NLRP12: variants seen among roughly 807,000 people sequenced by gnomAD.
The protein encoded by NLRP12 is NLR family pyrin domain containing 12, also known as NACHT, LRR and PYD domains-containing protein 12.
A neutral mutation model predicts 91.2 loss-of-function variants in NLRP12; 108 were observed. That is an observed-to-expected ratio of 1.18 (90% CI 1.01 to 1.39). NLRP12 has a LOEUF of 1.39. Ranked by LOEUF, NLRP12 falls within the 40% of genes most tolerant of loss-of-function variation. The pLI, the probability that NLRP12 is intolerant of heterozygous loss-of-function variation, is 0.00. For missense variants in NLRP12, 1,530 were observed against 1,352.7 expected (o/e 1.13, Z -2.06); for synonymous variants, 613 against 566.7 (o/e 1.08, Z -1.16).
rs750682997 is a variant in NLRP12, at chr19:53,807,623, C to G, written c.2115G>C (p.Leu705=). ...TTGGATTGGTGCACAGGGCCGCTGC[C>G]AGATGTTCACTGTAGGCGTCCAGCA... is the stretch of plus-strand genomic sequence containing the variant. ...TVLLDAYSEH[L]AAALCTNPNL... is the part of the protein sequence containing the mutation. The change falls in exon 4 of 10, where the codon CTG becomes CTC. Residue 705 remains leucine (L), a synonymous_variant. Transcript: ENST00000324134. 6.2e-7 allele frequency: 1 copy of G among 1,614,030 alleles called. No homozygotes were observed. Among genetic ancestry groups the G allele is most frequent in the Non-Finnish European group, 8.5e-7 (1 of 1,180,038 alleles).
chr19:53,799,780 G>A (rs941957865), intron 7 of NLRP12, among the ~76,000 whole-genome samples: 1 of 152,052 alleles, frequency 6.6e-6, no homozygotes, highest in Non-Finnish European at 1.5e-5. Flanking sequence ...ACCGCATCCT[G>A]CCTTCAGATT....
At chr19:53,813,134 GCCTCTCAAAGT>G in intron 2 of NLRP12, among the ~76,000 whole-genome samples, 2 of 151,784 alleles carry the variant, frequency 1.3e-5, no homozygotes, top group African/African-American at 4.8e-5. Flanking sequence ...GCCCGCCTCG[GCCTCTCAAAGT>G]GCTGGAATTA....
intron 4 of NLRP12, among the ~76,000 whole-genome samples, chr19:53,806,059 C>T (rs560869951): frequency 6.6e-6 from 1 of 150,882 alleles, no homozygotes. Flanking sequence ...CACAGTGAAA[C>T]CCCATTTCTA....
chr19:53,795,720 G>C (rs1473684259), intron 9 of NLRP12, 139 bp downstream of exon 9: 2 of 788,214 alleles, frequency 2.5e-6, no homozygotes, highest in African/African-American at 1.7e-5. Context: ...AGATGACATA[G>C]CTAATATGTG....
At chr19:53,803,632 G>C in intron 6 of NLRP12, 1 of 377,556 alleles carries the variant, frequency 2.6e-6, no homozygotes, top group South Asian at 2.1e-5. Context: ...GGAGTGCAGT[G>C]ACGTGATCTC....
intron 1 of NLRP12, among the ~76,000 whole-genome samples, chr19:53,823,408 A>AT (rs1189759465): frequency 8.9e-6 from 1 of 112,800 alleles, no homozygotes; most frequent in African/African-American, 3.4e-5. Flanking sequence ...ATATATTTAA[A>AT]ATATATGTTT....
intron 8 of NLRP12, 83 bp downstream of exon 8, chr19:53,798,160 C>T (rs937986517): frequency 7.7e-6 from 11 of 1,427,324 alleles, no homozygotes; most frequent in African/African-American, 5.6e-5. Context: ...CAGGATAGTT[C>T]ATAAATAGAA....
At position 53,810,702 on chromosome 19, in the gene NLRP12, G is replaced by A; in HGVS notation, c.957C>T (p.Pro319=). ...PWCLCWEEKR[P]TELLLNSLIR... ...TTAAGCTGTTAAGAAGCAGCTCCGT[G>A]GGCCGTTTCTCCTCCCAGCAGAGGC... The change falls in exon 3 of 10, where the codon CCC becomes CCT. Residue 319 remains proline (P), a synonymous_variant. Transcript: ENST00000324134. 1 of 1,614,032 alleles carries A rather than the reference G, an allele frequency of 6.2e-7. No individual in the cohort carries two copies. The highest frequency in any genetic ancestry group is 8.5e-7 in the Non-Finnish European group (1 of 1,180,022).
rs886054609 is a variant in NLRP12 at position 53,810,239 on chromosome 19, T to A, written c.1420A>T (p.Ile474Phe). The part of the protein sequence containing the change: ...LAADGLWNQK[I>F]LFEEQDLRKH... Reference sequence around the variant, plus strand: ...CGGAGGTCCTGCTCCTCAAATAGGATTTTCTGATTCCAGAGCCCATCTGCC... The same window carrying A: ...CGGAGGTCCTGCTCCTCAAATAGGAATTTCTGATTCCAGAGCCCATCTGCC... Residue 474 changes from isoleucine to phenylalanine, a missense_variant, in exon 3 of 10, where the codon ATC becomes TTC. By Grantham distance (21) the Ile-to-Phe change is conservative (BLOSUM62 0). Coordinates refer to ENST00000324134, the MANE Select transcript of NLRP12 (RefSeq NM_144687.4). The A allele has an allele frequency of 8.7e-6, 14 of 1,614,140 alleles. No individual in the cohort carries two copies. The highest frequency in any genetic ancestry group is 1.2e-5 in the Non-Finnish European group (14 of 1,180,020).
chr19:53,811,244 G>C lies in NLRP12; in HGVS notation c.415C>G (p.Leu139Val), dbSNP rs1292447454. The change falls in exon 3 of 10, where the codon CTC becomes GTC. Residue 139 changes from leucine to valine, a missense_variant. Leu to Val is a conservative substitution (Grantham distance 32). Transcript: ENST00000324134. ...AGGCGCGCATTGCGGTCTTCCATGAGCCGGAATTTCCTGCGGACATAGTCC... is the reference window on the plus strand; with the variant it reads ...AGGCGCGCATTGCGGTCTTCCATGACCCGGAATTTCCTGCGGACATAGTCC... Reference protein sequence around the residue: ...YRDYVRRKFRLMEDRNARLGE... With the variant: ...YRDYVRRKFRVMEDRNARLGE... The C allele has an allele frequency of 1.2e-6, 2 of 1,614,044 alleles. No homozygotes were observed. Among genetic ancestry groups the C allele is most frequent in the Admixed American group, 1.7e-5 (1 of 60,008 alleles).
Position 53,798,431 on chromosome 19 carries a change from TA to T in NLRP12, c.2757-19del, listed in dbSNP as rs1416264406. On this transcript the variant is annotated intron_variant, in intron 7 of 9. Coordinates refer to ENST00000324134, the MANE Select transcript of NLRP12 (RefSeq NM_144687.4). ...TGCCCAACCTGCAAAGACAGGATGCTAGGGCGGAGTGGGAGGCATTCCTCCT... is the reference window on the plus strand; with the variant it reads ...TGCCCAACCTGCAAAGACAGGATGCTGGGCGGAGTGGGAGGCATTCCTCCT... 6.2e-7 allele frequency: 1 copy of T among 1,611,564 alleles called. No homozygotes were observed. Among genetic ancestry groups the T allele is most frequent in the Admixed American group, 1.7e-5 (1 of 59,578 alleles).
chr19:53,816,530 TTTTA>T (rs2092162236), intron 1 of NLRP12, among the ~76,000 whole-genome samples: 1 of 151,878 alleles, frequency 6.6e-6, no homozygotes, highest in South Asian at 2.1e-4. Context: ...ATTTATTTAT[TTTTA>T]TTTATTTGAG....
chr19:53,819,604 T>TGTATGTATACGTATATATATGCGTAC lies in NLRP12; in HGVS notation c.289+4281_289+4282insGTACGCATATATATACGTATACATAC, dbSNP rs1367118548. ...ATGTATGTATACGTATATACGCATA[T>TGTATGTATACGTATATATATGCGTAC]ATATGTATGTATACGTATATACGCG... On this transcript the variant is annotated intron_variant, in intron 1 of 9. Transcript: ENST00000324134. Among the ~76,000 whole-genome samples the TGTATGTATACGTATATATATGCGTAC allele has an allele frequency of 5.1e-3, 326 of 63,984 alleles. 50 individuals are homozygous for TGTATGTATACGTATATATATGCGTAC. The highest frequency in any genetic ancestry group is 6.2e-3 in the African/African-American group (91 of 14,658). The allele number at this position is 63,984 out of a possible 152,430, so 42.0% of individuals were successfully genotyped here. A position where few individuals can be genotyped will look rare whatever the true frequency, so the allele number is the denominator to read the frequency against.
intron 3 of NLRP12, chr19:53,808,369 C>T (rs1325183140): frequency 6.2e-6 from 1 of 161,494 alleles, no homozygotes; most frequent in Non-Finnish European, 1.4e-5. Context: ...TGCGTGCTCT[C>T]TTGGGACCAT....
intron 1 of NLRP12, 103 bp downstream of exon 1, chr19:53,823,783 C>G: frequency 7.5e-7 from 1 of 1,326,844 alleles, no homozygotes; most frequent in African/African-American, 1.4e-5. Flanking sequence ...CTCCTCACCT[C>G]AAGTGATCTG....
Position 53,816,538 on chromosome 19 carries a change from A to C in NLRP12, c.290-1550T>G, listed in dbSNP as rs188607414. On this transcript the variant is annotated intron_variant, in intron 1 of 9. Transcript: ENST00000324134. Reference sequence around the variant, plus strand: ...CCATTTTATTTATTTATTTTTATTTATTTGAGACAGTCTCGCTCTGTCGCC... The same window carrying C: ...CCATTTTATTTATTTATTTTTATTTCTTTGAGACAGTCTCGCTCTGTCGCC... Among the ~76,000 whole-genome samples, 46 of 151,488 alleles carry C rather than the reference A, an allele frequency of 3.0e-4. No individual in the cohort carries two copies. In the East Asian group the frequency reaches 8.8e-3, roughly 29 times the overall value.
At chr19:53,801,117 TGTA>T in intron 7 of NLRP12, 107 bp downstream of exon 7, 3 of 904,372 alleles carry the variant, frequency 3.3e-6, no homozygotes, top group Non-Finnish European at 5.1e-6. Flanking sequence ...AAAAGGCTGA[TGTA>T]GTAGCTAGAG....
At chr19:53,819,546 T>TAC (rs765592092) in intron 1 of NLRP12, among the ~76,000 whole-genome samples, 16 of 122,424 alleles carry the variant, frequency 1.3e-4, no homozygotes, top group Non-Finnish European at 2.1e-4. Context: ...TATACGTATA[T>TAC]ATATGTATGT....
chr19:53,795,695 G>A (rs1287191879), intron 9 of NLRP12, among the ~76,000 whole-genome samples, 164 bp downstream of exon 9: 1 of 152,142 alleles, frequency 6.6e-6, no homozygotes, highest in Admixed American at 6.6e-5. Flanking sequence ...AATTATCCAA[G>A]GTCACACAGC....
Sources: allele counts gnomAD v4.1 joint callset (sites outside exome capture counted in the v4.1 genomes callset), GRCh38; gene constraint gnomAD v4.1.1; transcripts MANE v1.5; gene names NCBI Gene and HGNC (gene_info 2026-07-23, HGNC 2026-07-21).